Variants in MED26 observed in about 807,000 individuals in gnomAD.
MED26 encodes mediator complex subunit 26, also known as mediator of RNA polymerase II transcription subunit 26.
A neutral mutation model predicts 43.7 loss-of-function variants in MED26; 7 were observed. The observed-to-expected ratio is 0.16, with a 90% confidence interval of 0.09 to 0.30. The LOEUF (loss-of-function observed/expected upper bound fraction) is 0.30, where lower values mean the gene tolerates loss of function less well. Among genes scored for constraint, MED26 ranks in the 10% least tolerant of loss-of-function variants. MED26 has a pLI of 1.00. For synonymous variants in MED26, 375 were observed against 371.1 expected (o/e 1.01, Z -0.12); for missense variants, 784 against 840.6 (o/e 0.93, Z 0.83).
chr19:16,578,705 A>G, intron 1 of MED26: 1 of 389,846 alleles, frequency 2.6e-6, no homozygotes, highest in Non-Finnish European at 4.6e-6. Flanking sequence ...CCTGTGGAAC[A>G]AGAGCTGCTC....
chr19:16,597,502 C>T (rs549456313), intron 1 of MED26: 68 of 398,628 alleles, frequency 1.7e-4, no homozygotes, highest in African/African-American at 1.2e-3. Flanking sequence ...CACACCAAGA[C>T]AATCATGCCT....
intron 1 of MED26, among the ~76,000 whole-genome samples, chr19:16,615,046 C>G (rs1157886781): frequency 6.6e-6 from 1 of 151,358 alleles, no homozygotes; most frequent in Non-Finnish European, 1.5e-5. Flanking sequence ...TAAATACCAG[C>G]AAGAAAACAA....
rs762876909 is a variant in MED26 at position 16,576,331 on chromosome 19, G to A, written c.1499C>T (p.Ser500Leu). The change falls in exon 3 of 3, where the codon TCG becomes TTG. Residue 500 changes from serine (S) to leucine (L), a missense_variant. Transcript: ENST00000263390. This position sits in a 1 kb window ranked among gnomAD's most constrained non-coding sequence, Gnocchi z 6.8. ...LSRQSSLLSS[S>L]GAQTPGAHHF... ...GTGAGCCCCTGGGGTCTGCGCGCCCGATGATGAGAGCAGGCTGCTCTGCCG... is the reference window on the plus strand; with the variant it reads ...GTGAGCCCCTGGGGTCTGCGCGCCCAATGATGAGAGCAGGCTGCTCTGCCG... The A allele has an allele frequency of 3.8e-5, 62 of 1,613,748 alleles. No homozygotes were observed. Among genetic ancestry groups the A allele is most frequent in the Non-Finnish European group, 5.0e-5 (59 of 1,180,032 alleles).
intron 1 of MED26, among the ~76,000 whole-genome samples, chr19:16,627,200 A>G (rs1289182751): frequency 6.6e-6 from 1 of 152,202 alleles, no homozygotes; most frequent in South Asian, 2.1e-4. Context: ...ACTGAGGCCC[A>G]GAAAGGCAAC....
At chr19:16,617,785 T>C (rs79909046) in intron 1 of MED26, among the ~76,000 whole-genome samples, 7,862 of 146,786 alleles carry the variant, frequency 0.054, 283 homozygotes, top group South Asian at 0.064. Flanking sequence ...AGGCACTTGC[T>C]TGCCCACCAA....
chr19:16,608,091 C>T (rs941194316), intron 1 of MED26, among the ~76,000 whole-genome samples: 2 of 152,268 alleles, frequency 1.3e-5, no homozygotes, highest in Non-Finnish European at 2.9e-5. Context: ...CGTCTGCACA[C>T]GTTCCAATAC....
chr19:16,613,993 G>C (rs1209201901), intron 1 of MED26, among the ~76,000 whole-genome samples: 1 of 152,270 alleles, frequency 6.6e-6, no homozygotes, highest in South Asian at 2.1e-4. Context: ...TCTGTCACAG[G>C]AAGACAGTAC....
intron 1 of MED26, among the ~76,000 whole-genome samples, chr19:16,599,118 C>T (rs1021035881): frequency 6.6e-6 from 1 of 152,154 alleles, no homozygotes; most frequent in Admixed American, 6.5e-5. Flanking sequence ...GGCAGGGCTC[C>T]AGATGCCATC....
chr19:16,586,305 AG>A lies in MED26; in HGVS notation c.73-7897del, dbSNP rs2122393804. On this transcript the variant is annotated intron_variant, in intron 1 of 2. Coordinates refer to ENST00000263390, the MANE Select transcript of MED26 (RefSeq NM_004831.5). This position sits in a 1 kb window ranked among gnomAD's most constrained non-coding sequence, Gnocchi z 5.1. ...TAACTGAGGGCCAGGAAGGTAATGGAGGTCCCGGGTAGACCACACAGCTAGA... is the reference window on the plus strand; with the variant it reads ...TAACTGAGGGCCAGGAAGGTAATGGAGTCCCGGGTAGACCACACAGCTAGA... Among the ~76,000 whole-genome samples the A allele has an allele frequency of 6.6e-6, 1 of 152,314 alleles. No homozygotes were observed. The highest frequency in any genetic ancestry group is 1.5e-5 in the Non-Finnish European group (1 of 68,018).
At chr19:16,609,496 C>T (rs2086189847) in intron 1 of MED26, among the ~76,000 whole-genome samples, 2 of 151,994 alleles carry the variant, frequency 1.3e-5, no homozygotes, top group Non-Finnish European at 2.9e-5. Flanking sequence ...AATTATATGC[C>T]ACCCATCCTT....
At chr19:16,605,667 G>GA (rs2086169266) in intron 1 of MED26, among the ~76,000 whole-genome samples, 1 of 152,224 alleles carries the variant, frequency 6.6e-6, no homozygotes, top group African/African-American at 2.4e-5. Flanking sequence ...TAGAGGAAAG[G>GA]AGAGGAGAGG....
chr19:16,622,923 G>A (rs1261504913), intron 1 of MED26, among the ~76,000 whole-genome samples: 2 of 152,152 alleles, frequency 1.3e-5, no homozygotes, highest in Middle Eastern at 3.2e-3. Context: ...GGAAAGCCAA[G>A]TGTCCTCCTT....
chr19:16,615,627 T>C (rs2086222346), intron 1 of MED26, among the ~76,000 whole-genome samples: 1 of 151,884 alleles, frequency 6.6e-6, no homozygotes, highest in Admixed American at 6.6e-5. Context: ...GCGCCTGTAA[T>C]CCCAGCAACT....
chr19:16,578,322 C>T lies in MED26; in HGVS notation c.147+13G>A. ...GTTCTGCCCTCCCAAATGCTGGGGT[C>T]TGGGATACTCACCTCAAGTGCCTCT... On this transcript the variant is annotated intron_variant, in intron 2 of 2. Transcript: ENST00000263390. 6.2e-7 allele frequency: 1 copy of T among 1,613,174 alleles called. No individual in the cohort carries two copies. The highest frequency in any genetic ancestry group is 8.5e-7 in the Non-Finnish European group (1 of 1,179,206).
At chr19:16,612,953 T>G (rs2086206168) in intron 1 of MED26, among the ~76,000 whole-genome samples, 1 of 152,166 alleles carries the variant, frequency 6.6e-6, no homozygotes, top group Non-Finnish European at 1.5e-5. Flanking sequence ...AAATCAAAGT[T>G]CAGTATCTAC....
In MED26 at chr19:16,586,265, A is replaced by G. The variant is rs193083900; in HGVS notation, c.73-7856T>C. On this transcript the variant is annotated intron_variant, in intron 1 of 2. Transcript: ENST00000263390. This position sits in a 1 kb window ranked among gnomAD's most constrained non-coding sequence, Gnocchi z 5.1. ...TCTTTCACGTCATCCTCACAAGCGC[A>G]CTCTACAGATAAGGTAACTGAGGGC... Among the ~76,000 whole-genome samples the G allele has an allele frequency of 1.2e-3, 183 of 152,300 alleles. No individual in the cohort carries two copies. Among genetic ancestry groups the G allele is most frequent in the African/African-American group, 4.2e-3 (175 of 41,562 alleles).
At chr19:16,595,520 T>C (rs969154534) in intron 1 of MED26, among the ~76,000 whole-genome samples, 1 of 152,160 alleles carries the variant, frequency 6.6e-6, no homozygotes, top group African/African-American at 2.4e-5. Flanking sequence ...CAGGAAGGGA[T>C]GACATCCTGT....
In MED26 at chr19:16,576,810, G is replaced by A; in HGVS notation, c.1020C>T (p.Cys340=). The change falls in exon 3 of 3, where the codon TGC becomes TGT. Residue 340 remains cysteine, a synonymous_variant. Coordinates refer to ENST00000263390, the MANE Select transcript of MED26 (RefSeq NM_004831.5). This position sits in a 1 kb window ranked among gnomAD's most constrained non-coding sequence, Gnocchi z 6.8. The part of the protein sequence containing the change: ...ELLPSAESPV[C]WLEQPESHQR... ...GGTGGCTCTCAGGCTGCTCAAGCCAGCACACTGGGCTTTCCGCACTGGGCA... is the reference window on the plus strand; with the variant it reads ...GGTGGCTCTCAGGCTGCTCAAGCCAACACACTGGGCTTTCCGCACTGGGCA... 1 of 1,609,000 alleles carries A rather than the reference G, an allele frequency of 6.2e-7. No individual in the cohort carries two copies.
chr19:16,601,689 A>G (rs1176990895), intron 1 of MED26, among the ~76,000 whole-genome samples: 2 of 152,190 alleles, frequency 1.3e-5, no homozygotes, highest in Non-Finnish European at 2.9e-5. Flanking sequence ...TCCTCTGGAC[A>G]AGCTGGGGAG....
Sources: allele counts gnomAD v4.1 joint callset (sites outside exome capture counted in the v4.1 genomes callset), GRCh38; gene constraint gnomAD v4.1.1; non-coding constraint Gnocchi (gnomAD v3.1); transcripts MANE v1.5; gene names NCBI Gene and HGNC (gene_info 2026-07-23, HGNC 2026-07-21).